RNF130: variants seen among roughly 807,000 people sequenced by gnomAD.
The protein encoded by RNF130 is ring finger protein 130.
Under a neutral mutation model 44.6 loss-of-function variants are expected in RNF130, and 21 were observed. The observed-to-expected ratio is 0.47, with a 90% CI of 0.33 to 0.68. RNF130 has a LOEUF of 0.68. Ranked by LOEUF, RNF130 falls within the 30% of genes least tolerant of loss-of-function variation. The probability of loss-of-function intolerance (pLI) is 0.02; values close to 1 mark genes in which losing one functional copy is unlikely to be tolerated. For synonymous variants in RNF130, 214 were observed against 210.4 expected, an observed-to-expected ratio of 1.02 and a Z score of -0.15; for missense variants, 479 against 560.6, an observed-to-expected ratio of 0.85 and a Z score of 1.47.
intron 3 of RNF130, among the ~76,000 whole-genome samples, chr5:179,997,564 G>A (rs1000266069): frequency 2.6e-5 from 4 of 152,006 alleles, no homozygotes; most frequent in African/African-American, 4.8e-5. Context: ...TCCTGACCTC[G>A]TGATCTGCCT....
chr5:179,960,637 A>C (rs1762306004), intron 8 of RNF130, among the ~76,000 whole-genome samples: 2 of 152,228 alleles, frequency 1.3e-5, no homozygotes, highest in African/African-American at 2.4e-5. Flanking sequence ...GACAGGGTCA[A>C]GGACTTGCTT....
At chr5:179,987,934 G>A (rs894448438) in intron 3 of RNF130, among the ~76,000 whole-genome samples, 4 of 152,122 alleles carry the variant, frequency 2.6e-5, no homozygotes, top group Admixed American at 6.5e-5. Context: ...TTCTTATTTC[G>A]TTGTGCCCTT....
chr5:180,011,854 G>A (rs1436883427), intron 3 of RNF130, among the ~76,000 whole-genome samples: 1 of 152,130 alleles, frequency 6.6e-6, no homozygotes, highest in East Asian at 1.9e-4. Flanking sequence ...GCATCTGAGT[G>A]AAGGGAATAC....
chr5:180,056,253 GA>G (rs35729589), intron 1 of RNF130, among the ~76,000 whole-genome samples: 81,362 of 146,174 alleles, frequency 0.56, 23,056 homozygotes, highest in South Asian at 0.74. Flanking sequence ...TATCTGTGGG[GA>G]AAAAAAAAAA....
At position 179,919,875 on chromosome 5, in the gene RNF130, G is replaced by T. The variant is rs138484274; in HGVS notation, c.*442C>A. ...AGGGGAACATCCAGAGCCAGGTCAG[G>T]GAGCAGCACCTGTACTCCACGCGGG... On this transcript the variant is annotated 3_prime_UTR_variant, in exon 8 of 8. Transcript: ENST00000522208. 661 of 155,386 alleles carry T rather than the reference G, an allele frequency of 4.3e-3. 3 individuals carry two copies. The highest frequency in any genetic ancestry group is 0.015 in the African/African-American group (629 of 41,646). The allele number at this position is 155,386 out of a possible 1,614,324, so 9.6% of individuals were successfully genotyped here.
chr5:179,992,179 T>C (rs1198329047), intron 3 of RNF130, among the ~76,000 whole-genome samples: 1 of 152,226 alleles, frequency 6.6e-6, no homozygotes, highest in African/African-American at 2.4e-5. Flanking sequence ...TCTTGCTCTT[T>C]TGCCCAGGCT....
intron 8 of RNF130, among the ~76,000 whole-genome samples, chr5:179,960,457 C>T (rs1469265194): frequency 3.9e-5 from 6 of 152,218 alleles, no homozygotes; most frequent in East Asian, 3.9e-4. Context: ...GCCAACAGCA[C>T]GAAGCCCTTG....
At chr5:179,939,060 C>T (rs563537057) in intron 7 of RNF130, among the ~76,000 whole-genome samples, 1 of 152,196 alleles carries the variant, frequency 6.6e-6, no homozygotes, top group African/African-American at 2.4e-5. Context: ...GAGACCCCAT[C>T]TCTACTAAAA....
At chr5:179,928,653 G>A (rs1242550481) in intron 7 of RNF130, among the ~76,000 whole-genome samples, 1 of 148,912 alleles carries the variant, frequency 6.7e-6, no homozygotes, top group Non-Finnish European at 1.5e-5. Flanking sequence ...TTTTGAGACG[G>A]AGTCTCGCTC....
chr5:179,949,093 GTAGC>G (rs1762087342), intron 7 of RNF130, among the ~76,000 whole-genome samples: 1 of 151,522 alleles, frequency 6.6e-6, no homozygotes, highest in South Asian at 2.1e-4. Context: ...AGCCTCCTGA[GTAGC>G]TGGGATTACA....
intron 2 of RNF130, chr5:180,015,233 T>C: frequency 6.7e-6 from 3 of 445,244 alleles, no homozygotes; most frequent in Admixed American, 6.4e-5. Context: ...CACAAAATAA[T>C]GCTAAACCGC....
chr5:180,046,680 T>C (rs1197240715), intron 1 of RNF130, among the ~76,000 whole-genome samples: 2 of 152,132 alleles, frequency 1.3e-5, no homozygotes, highest in Non-Finnish European at 2.9e-5. Flanking sequence ...GAAATGCCAG[T>C]CCCACCACTC....
intron 3 of RNF130, among the ~76,000 whole-genome samples, chr5:179,987,645 T>C (rs438050): frequency 0.13 from 19,290 of 152,286 alleles, 1,403 homozygotes; most frequent in East Asian, 0.27. Context: ...TTTCACTATA[T>C]TGAAGTATGT....
chr5:180,004,989 T>C (rs1223004708), intron 3 of RNF130, among the ~76,000 whole-genome samples: 1 of 152,222 alleles, frequency 6.6e-6, no homozygotes, highest in African/African-American at 2.4e-5. Context: ...CATCTGCCTG[T>C]GCCCAGATCA....
At chr5:179,983,399 G>A (rs1161717071) in intron 3 of RNF130, among the ~76,000 whole-genome samples, 1 of 130,346 alleles carries the variant, frequency 7.7e-6, no homozygotes, top group Non-Finnish European at 1.6e-5. Context: ...TGAAAAGGTT[G>A]TCCATTCTCC....
At chr5:179,962,191 G>A (rs186531441) in intron 8 of RNF130, among the ~76,000 whole-genome samples, 1 of 152,324 alleles carries the variant, frequency 6.6e-6, no homozygotes, top group Non-Finnish European at 1.5e-5. Flanking sequence ...ATGAGGTGCA[G>A]TGCTCCTCTG....
chr5:180,014,964 T>A (rs1301596951), intron 2 of RNF130, among the ~76,000 whole-genome samples: 1 of 152,010 alleles, frequency 6.6e-6, no homozygotes, highest in Non-Finnish European at 1.5e-5. Flanking sequence ...CCAGCCTGGG[T>A]GACAGAGCAA....
chr5:179,926,207 G>C (rs1216643764), intron 7 of RNF130, among the ~76,000 whole-genome samples: 1 of 152,198 alleles, frequency 6.6e-6, no homozygotes, highest in African/African-American at 2.4e-5. Flanking sequence ...CAGTCATACA[G>C]GCAAGAGGTC....
chr5:179,963,359 G>T (rs1762374739), intron 8 of RNF130, 112 bp downstream of exon 8: 2 of 747,092 alleles, frequency 2.7e-6, no homozygotes, highest in Middle Eastern at 2.5e-4. Context: ...ATCCCATCAG[G>T]ATCCGTATGA....
Sources: allele counts gnomAD v4.1 joint callset (sites outside exome capture counted in the v4.1 genomes callset), GRCh38; gene constraint gnomAD v4.1.1; transcripts MANE v1.5; gene names NCBI Gene and HGNC (gene_info 2026-07-23, HGNC 2026-07-21).